Variants in KIAA0825 observed in about 807,000 individuals in gnomAD.
KIAA0825 encodes the protein uncharacterized protein KIAA0825.
In KIAA0825, 119 loss-of-function variants were observed where a neutral mutation model predicts 147.6. That is an observed-to-expected ratio of 0.81 (90% CI 0.69 to 0.94). The LOEUF (loss-of-function observed/expected upper bound fraction) is 0.94. Ranked by LOEUF, KIAA0825 falls within the 40% of genes least tolerant of loss-of-function variation. The pLI is 0.00. For synonymous variants in KIAA0825, 470 were observed against 518.1 expected, an observed-to-expected ratio of 0.91 and a Z score of 1.26; for missense variants, 1,381 against 1,472.7, an observed-to-expected ratio of 0.94 and a Z score of 1.02.
chr5:94,405,026 A>C (rs1022790420), intron 15 of KIAA0825, among the ~76,000 whole-genome samples: 5 of 152,192 alleles, frequency 3.3e-5, no homozygotes, highest in Non-Finnish European at 7.3e-5. Context: ...AAAGTTGAAA[A>C]GAACTGTGAC....
chr5:94,470,914 G>A (rs1761139843), intron 9 of KIAA0825, among the ~76,000 whole-genome samples: 1 of 152,104 alleles, frequency 6.6e-6, no homozygotes. Flanking sequence ...ATTAATGCCT[G>A]TGGTCATTTT....
chr5:94,392,153 A>T (rs1370694762), intron 17 of KIAA0825, among the ~76,000 whole-genome samples: 1 of 152,186 alleles, frequency 6.6e-6, no homozygotes, highest in Non-Finnish European at 1.5e-5. Context: ...ATTGAAGACT[A>T]ATTGAAGTGT....
intron 20 of KIAA0825, among the ~76,000 whole-genome samples, chr5:94,195,541 G>A (rs2150009893): frequency 6.6e-6 from 1 of 151,950 alleles, no homozygotes; most frequent in Non-Finnish European, 1.5e-5. Context: ...AAAAAAAGGA[G>A]ATTCCTTTTA....
chr5:94,227,028 C>G (rs1167448149), intron 20 of KIAA0825, among the ~76,000 whole-genome samples: 1 of 151,650 alleles, frequency 6.6e-6, no homozygotes, highest in African/African-American at 2.4e-5. Flanking sequence ...ACCATTTGAC[C>G]CAGCCATCCC....
At chr5:94,576,745 T>G (rs1006497994) in intron 2 of KIAA0825, among the ~76,000 whole-genome samples, 8 of 152,222 alleles carry the variant, frequency 5.3e-5, no homozygotes, top group Non-Finnish European at 8.8e-5. Context: ...CATTACTTGG[T>G]GAGAGAAGAG....
intron 2 of KIAA0825, among the ~76,000 whole-genome samples, chr5:94,559,473 AAACT>A (rs916038172): frequency 9.8e-5 from 15 of 152,338 alleles, no homozygotes; most frequent in Non-Finnish European, 1.5e-4. Context: ...AAATGAAAAC[AAACT>A]AACTAATTAA....
At chr5:94,583,243 T>C (rs1352670238) in intron 1 of KIAA0825, among the ~76,000 whole-genome samples, 1 of 152,208 alleles carries the variant, frequency 6.6e-6, no homozygotes, top group Non-Finnish European at 1.5e-5. Flanking sequence ...GGGATTTCCC[T>C]TTCCTAGCCA....
intron 1 of KIAA0825, chr5:94,617,914 C>T (rs1422971620): frequency 6.6e-6 from 1 of 152,222 alleles, no homozygotes; most frequent in Non-Finnish European, 1.5e-5. Context: ...TCCAAAAATG[C>T]ATCTAATGCC....
intron 7 of KIAA0825, among the ~76,000 whole-genome samples, chr5:94,474,063 A>G (rs1165569688): frequency 6.6e-6 from 1 of 152,148 alleles, no homozygotes; most frequent in Non-Finnish European, 1.5e-5. Flanking sequence ...CACTTCCTAG[A>G]TTTTTACTTG....
Position 94,524,028 on chromosome 5 carries a change from T to C in KIAA0825, c.202A>G (p.Thr68Ala), listed in dbSNP as rs2151237636. 3 of 1,610,260 alleles carry C rather than the reference T, an allele frequency of 1.9e-6. No individual in the cohort carries two copies. The highest frequency in any genetic ancestry group is 1.7e-6 in the Non-Finnish European group (2 of 1,177,358). ...GTTAGCCATTCAAAGCAGTCAGTTGTTGTTTGCAGCTGCACACCTGGACAT... is the reference window on the plus strand; with the variant it reads ...GTTAGCCATTCAAAGCAGTCAGTTGCTGTTTGCAGCTGCACACCTGGACAT... ...KQCPGVQLQT[T>A]TDCFEWLTNY... The change falls in exon 4 of 21, where the codon ACA becomes GCA. Residue 68 changes from threonine (T) to alanine (A), a missense_variant. Physicochemically the swap from Thr to Ala is moderately conservative, Grantham distance 58. Transcript: ENST00000682413.
chr5:94,173,799 G>T (rs746737870), intron 20 of KIAA0825, among the ~76,000 whole-genome samples: 2 of 152,130 alleles, frequency 1.3e-5, no homozygotes, highest in African/African-American at 2.4e-5. Context: ...CACACTTAGA[G>T]AAGTGAAGTA....
intron 13 of KIAA0825, among the ~76,000 whole-genome samples, chr5:94,448,066 T>A (rs1757952264): frequency 6.6e-6 from 1 of 151,770 alleles, no homozygotes; most frequent in Non-Finnish European, 1.5e-5. Context: ...TATAATTGAC[T>A]AGGACAGCAT....
chr5:94,474,900 T>A (rs1207908443), intron 7 of KIAA0825, among the ~76,000 whole-genome samples: 3 of 152,074 alleles, frequency 2.0e-5, no homozygotes, highest in Non-Finnish European at 4.4e-5. Flanking sequence ...CCATCCTGGC[T>A]AACACGGTGA....
At chr5:94,537,757 G>A (rs184640543) in intron 2 of KIAA0825, among the ~76,000 whole-genome samples, 1 of 152,026 alleles carries the variant, frequency 6.6e-6, no homozygotes, top group Non-Finnish European at 1.5e-5. Context: ...AAGTGACAGA[G>A]CCCACAGACC....
intron 20 of KIAA0825, among the ~76,000 whole-genome samples, chr5:94,332,558 T>C (rs1283448407): frequency 6.6e-6 from 1 of 152,178 alleles, no homozygotes; most frequent in Non-Finnish European, 1.5e-5. Flanking sequence ...ATTAACTCAT[T>C]CCTTTTTATG....
intron 5 of KIAA0825, among the ~76,000 whole-genome samples, chr5:94,494,577 A>G (rs1366079915): frequency 6.6e-6 from 1 of 152,122 alleles, no homozygotes; most frequent in Non-Finnish European, 1.5e-5. Flanking sequence ...ATCCTAATAA[A>G]AAGACATCTC....
At chr5:94,357,168 C>A (rs1344662658) in intron 20 of KIAA0825, among the ~76,000 whole-genome samples, 1 of 152,122 alleles carries the variant, frequency 6.6e-6, no homozygotes, top group Non-Finnish European at 1.5e-5. Context: ...CAATACAGTC[C>A]TTCGGTTAAA....
chr5:94,574,533 G>C, intron 2 of KIAA0825, among the ~76,000 whole-genome samples: 1 of 92,822 alleles, frequency 1.1e-5, no homozygotes, highest in Non-Finnish European at 1.9e-5. Context: ...GACAGTGTAA[G>C]ACTCCATCTC....
intron 20 of KIAA0825, among the ~76,000 whole-genome samples, chr5:94,174,266 C>T (rs2149957594): frequency 6.6e-6 from 1 of 152,246 alleles, no homozygotes. Flanking sequence ...AGAAAAGTAA[C>T]ACCAAGTCCA....
Sources: allele counts gnomAD v4.1 joint callset (sites outside exome capture counted in the v4.1 genomes callset), GRCh38; gene constraint gnomAD v4.1.1; transcripts MANE v1.5; gene names NCBI Gene and HGNC (gene_info 2026-07-23, HGNC 2026-07-21).